Variants in ACOXL observed in about 807,000 individuals in gnomAD.
ACOXL encodes the protein acyl-coenzyme A oxidase-like protein.
ACOXL carries 70 observed loss-of-function variants against 71.9 expected under a neutral mutation model. The observed-to-expected ratio is 0.97, with a 90% CI of 0.80 to 1.19. ACOXL has a LOEUF of 1.19. ACOXL is among the 50% of genes most tolerant of loss of function. ACOXL has a pLI of 0.00. For synonymous variants in ACOXL, 253 were observed against 281.6 expected (o/e 0.90, Z 1.02); for missense variants, 703 against 736.3 (o/e 0.95, Z 0.52).
At chr2:111,109,012 G>T (rs972621315) in intron 17 of ACOXL, among the ~76,000 whole-genome samples, 2 of 152,104 alleles carry the variant, frequency 1.3e-5, no homozygotes, top group Admixed American at 1.3e-4. Flanking sequence ...CAGCCCATCT[G>T]TCCTCCCAAA....
At chr2:111,068,404 T>C (rs1333234080) in intron 16 of ACOXL, among the ~76,000 whole-genome samples, 1 of 152,146 alleles carries the variant, frequency 6.6e-6, no homozygotes, top group Admixed American at 6.5e-5. Context: ...AGCTGAATGT[T>C]CTTAGATACA....
intron 3 of ACOXL, among the ~76,000 whole-genome samples, chr2:110,787,310 G>A (rs777353486): frequency 5.3e-5 from 8 of 152,014 alleles, no homozygotes; most frequent in African/African-American, 1.5e-4. Context: ...CAAGGCAGGC[G>A]GATCACAAGG....
intron 9 of ACOXL, among the ~76,000 whole-genome samples, chr2:110,823,751 C>T (rs946670998): frequency 3.9e-5 from 6 of 152,170 alleles, no homozygotes; most frequent in African/African-American, 1.4e-4. Context: ...CATGTTTGCC[C>T]TCTGAATATA....
chr2:110,795,771 G>A (rs1003890992), intron 5 of ACOXL: 4 of 152,178 alleles, frequency 2.6e-5, no homozygotes, highest in South Asian at 2.1e-4. Context: ...CGAAGCCATC[G>A]TATTAAGGTC....
intron 10 of ACOXL, among the ~76,000 whole-genome samples, chr2:110,842,189 G>A (rs889686059): frequency 5.9e-5 from 9 of 152,150 alleles, no homozygotes; most frequent in South Asian, 2.1e-4. Context: ...CAATATACAC[G>A]TGAATTGGGC....
intron 10 of ACOXL, among the ~76,000 whole-genome samples, chr2:110,870,420 T>C (rs1459653037): frequency 6.6e-6 from 1 of 151,950 alleles, no homozygotes; most frequent in Non-Finnish European, 1.5e-5. Flanking sequence ...AATTGGGGTA[T>C]AGGTTGAACA....
intron 10 of ACOXL, among the ~76,000 whole-genome samples, chr2:110,876,835 A>T (rs1443298493): frequency 6.6e-6 from 1 of 152,246 alleles, no homozygotes; most frequent in Non-Finnish European, 1.5e-5. Flanking sequence ...TAGGGATACC[A>T]TGGTGAACAA....
At chr2:111,030,337 T>A (rs1034103682) in intron 14 of ACOXL, among the ~76,000 whole-genome samples, 2 of 152,184 alleles carry the variant, frequency 1.3e-5, no homozygotes, top group Non-Finnish European at 2.9e-5. Flanking sequence ...CCACACCCTT[T>A]CAGTTGTAAT....
chr2:111,035,078 G>C (rs1016224351), intron 15 of ACOXL, among the ~76,000 whole-genome samples: 2 of 152,064 alleles, frequency 1.3e-5, no homozygotes, highest in Non-Finnish European at 2.9e-5. Context: ...GTGTTTGCCA[G>C]GGTGGTCTCA....
At chr2:110,840,224 C>T (rs971865787) in intron 9 of ACOXL, among the ~76,000 whole-genome samples, 1 of 152,102 alleles carries the variant, frequency 6.6e-6, no homozygotes, top group Non-Finnish European at 1.5e-5. Context: ...CTCCTGACCT[C>T]GTGAATGGGC....
At chr2:110,890,021 A>G (rs1404248748) in intron 10 of ACOXL, among the ~76,000 whole-genome samples, 1 of 152,180 alleles carries the variant, frequency 6.6e-6, no homozygotes, top group Non-Finnish European at 1.5e-5. Context: ...GTAGTATCTG[A>G]TTAGGATTTT....
At chr2:110,883,784 A>T (rs992472648) in intron 10 of ACOXL, among the ~76,000 whole-genome samples, 3 of 152,234 alleles carry the variant, frequency 2.0e-5, no homozygotes, top group Non-Finnish European at 4.4e-5. Flanking sequence ...TTGTTCATAC[A>T]TGCTGCCTTT....
At chr2:111,084,307 AC>A (rs1158746612) in intron 16 of ACOXL, among the ~76,000 whole-genome samples, 13 of 145,222 alleles carry the variant, frequency 9.0e-5, no homozygotes, top group South Asian at 6.6e-4. Flanking sequence ...ACACACACAC[AC>A]AAGAAGTGGA....
chr2:111,109,570 A>AT (rs2150075465), intron 17 of ACOXL, among the ~76,000 whole-genome samples: 1 of 147,632 alleles, frequency 6.8e-6, no homozygotes, highest in African/African-American at 2.5e-5. Flanking sequence ...CAAATATCCC[A>AT]TTTTTTCAGA....
intron 1 of ACOXL, among the ~76,000 whole-genome samples, chr2:110,752,371 C>G (rs1286427470): frequency 6.6e-6 from 1 of 152,014 alleles, no homozygotes; most frequent in Non-Finnish European, 1.5e-5. Context: ...ATAGTCCCAA[C>G]TACTTGGGAG....
At chr2:111,007,170 C>G (rs997935626) in intron 14 of ACOXL, among the ~76,000 whole-genome samples, 3 of 152,244 alleles carry the variant, frequency 2.0e-5, no homozygotes, top group East Asian at 1.9e-4. Flanking sequence ...GATAGGCAAC[C>G]TAGGATCAAG....
chr2:111,028,609 A>G (rs2065123429), intron 14 of ACOXL, among the ~76,000 whole-genome samples: 1 of 152,164 alleles, frequency 6.6e-6, no homozygotes, highest in East Asian at 1.9e-4. Context: ...ACCTTTAAGT[A>G]TGATGTTAGC....
rs567390476 is a variant in ACOXL, at chr2:110,970,945, C to T, written c.1060-16163C>T. ...TAGGGTTGACATCAAAAGCACATTT[C>T]ATAAAAGGAAAAATTGGTAAGCTGC... is the stretch of plus-strand genomic sequence containing the variant. On this transcript the variant is annotated intron_variant, in intron 12 of 17. Transcript: ENST00000439055. 7.2e-5 allele frequency among the ~76,000 whole-genome samples: 11 copies of T among 152,164 alleles called. No homozygotes were observed. In the South Asian group the frequency reaches 1.7e-3, roughly 23 times the overall value.
At chr2:110,772,912 A>G (rs879006591) in intron 2 of ACOXL, among the ~76,000 whole-genome samples, 1 of 152,384 alleles carries the variant, frequency 6.6e-6, no homozygotes, top group Admixed American at 6.5e-5. Context: ...TTATTGAGCC[A>G]GATACTAAAA....
Sources: gnomAD v4.1 joint callset for allele counts (sites outside exome capture counted in the v4.1 genomes callset) on GRCh38, gnomAD v4.1.1 for gene constraint, MANE v1.5 for transcripts, NCBI Gene and HGNC (gene_info 2026-07-23, HGNC 2026-07-21) for gene names.